USP40: variants seen among roughly 807,000 people sequenced by gnomAD.
USP40 encodes the protein ubiquitin specific peptidase 40.
Under a neutral mutation model 166.2 loss-of-function variants are expected in USP40, and 143 were observed. That is an observed-to-expected ratio of 0.86 (90% confidence interval 0.75 to 0.99). The LOEUF (loss-of-function observed/expected upper bound fraction) is 0.99, where lower values mean the gene tolerates loss of function less well. Among genes scored for constraint, USP40 ranks in the 50% least tolerant of loss-of-function variants. USP40 has a pLI of 0.00. For missense variants in USP40, 1,444 were observed against 1,479.7 expected (o/e 0.98, Z 0.40); for synonymous variants, 498 against 524.0 (o/e 0.95, Z 0.68).
At chr2:233,550,717 G>T (rs2070472042) in intron 7 of USP40, among the ~76,000 whole-genome samples, 1 of 152,146 alleles carries the variant, frequency 6.6e-6, no homozygotes, top group African/African-American at 2.4e-5. Context: ...GTACAGCAAT[G>T]TTATAAAAAA....
chr2:233,550,076 C>A (rs1220941560), intron 7 of USP40, among the ~76,000 whole-genome samples: 2 of 152,134 alleles, frequency 1.3e-5, no homozygotes, highest in African/African-American at 2.4e-5. Context: ...GCTTTGACGT[C>A]TAAACTCAAG....
chr2:233,552,897 C>A (rs1305347661), intron 6 of USP40, among the ~76,000 whole-genome samples: 1 of 152,048 alleles, frequency 6.6e-6, no homozygotes, highest in Non-Finnish European at 1.5e-5. Context: ...ATGAAGTGAC[C>A]GCATAAATAT....
Position 233,566,724 on chromosome 2 carries a change from C to G in USP40, c.-60G>C, listed in dbSNP as rs998626227. The G allele has an allele frequency of 2.1e-5, 21 of 985,868 alleles. No homozygotes were observed. Among genetic ancestry groups the G allele is most frequent in the South Asian group, 4.7e-5 (1 of 21,296 alleles). 61.1% of individuals were successfully genotyped at this position (985,868 alleles called of 1,614,324 possible). On this transcript the variant is annotated 5_prime_UTR_variant, in exon 1 of 32. Transcript: ENST00000678225. ...CCCCCGCCCTGGCCAAAACGCGAAGCGAACGAACCCGCCCCAACTGGGCGC... is the reference window on the plus strand; with the variant it reads ...CCCCCGCCCTGGCCAAAACGCGAAGGGAACGAACCCGCCCCAACTGGGCGC...
chr2:233,494,123 A>G (rs1335955954), intron 24 of USP40, among the ~76,000 whole-genome samples: 1 of 152,250 alleles, frequency 6.6e-6, no homozygotes, highest in Non-Finnish European at 1.5e-5. Flanking sequence ...ATAGAAGATG[A>G]GAATAAAAAT....
Position 233,511,916 on chromosome 2 carries a change from T to C in USP40, c.2438-119A>G, listed in dbSNP as rs555559993. The C allele has an allele frequency of 5.1e-6, 4 of 787,446 alleles. No homozygotes were observed. The East Asian group carries it at 1.1e-4, about 22-fold the overall frequency. The allele number at this position is 787,446 out of a possible 1,614,324, so 48.8% of individuals were successfully genotyped here. ...AATATCAAGAAAGAAGAAAAATGAG[T>C]TGCACTTCAGACAAAAGGATTACAT... On this transcript the variant is annotated intron_variant, in intron 19 of 31. Coordinates refer to ENST00000678225, the MANE Select transcript of USP40 (RefSeq NM_001365479.2).
At position 233,489,655 on chromosome 2, in the gene USP40, C is replaced by T. The variant is rs79092575; in HGVS notation, c.3013-172G>A. The T allele has an allele frequency of 4.8e-3, 2,916 of 611,988 alleles. 74 individuals are homozygous for T. In the African/African-American group the frequency reaches 0.049, roughly 10 times the overall value. 37.9% of individuals were successfully genotyped at this position (611,988 alleles called of 1,614,324 possible). A position where few individuals can be genotyped will look rare whatever the true frequency, so the allele number is the denominator to read the frequency against. ...AGGAATCTCTCTCTCTCTTAAATAA[C>T]ACTAACCCTGAGCGGTCTTCATATT... is the stretch of plus-strand genomic sequence containing the variant. On this transcript the variant is annotated intron_variant, in intron 26 of 31. Transcript: ENST00000678225.
intron 24 of USP40, among the ~76,000 whole-genome samples, chr2:233,494,956 T>TTA (rs71058559): frequency 0.037 from 1,281 of 34,988 alleles, 30 homozygotes; most frequent in South Asian, 0.12. Context: ...ATATATATAT[T>TTA]TATATATATA....
chr2:233,541,281 T>C (rs910688242), intron 9 of USP40, among the ~76,000 whole-genome samples: 1 of 152,220 alleles, frequency 6.6e-6, no homozygotes, highest in Non-Finnish European at 1.5e-5. Context: ...ATTTGGAGAT[T>C]AGACCTTTAA....
chr2:233,509,838 T>TAAA (rs746629187), intron 21 of USP40, among the ~76,000 whole-genome samples: 1 of 80,820 alleles, frequency 1.2e-5, no homozygotes, highest in Non-Finnish European at 2.5e-5. Flanking sequence ...TGAGACTCTC[T>TAAA]AAAAAAAAAA....
At chr2:233,538,195 C>T (rs966339975) in intron 10 of USP40, among the ~76,000 whole-genome samples, 1 of 151,358 alleles carries the variant, frequency 6.6e-6, no homozygotes, top group Non-Finnish European at 1.5e-5. Flanking sequence ...ATTTATTAAT[C>T]CAAAAGAAGG....
At chr2:233,530,759 A>C (rs1388318949) in intron 11 of USP40, among the ~76,000 whole-genome samples, 1 of 152,254 alleles carries the variant, frequency 6.6e-6, no homozygotes. Flanking sequence ...TTGCTTATTT[A>C]TATCATTTCC....
intron 8 of USP40, chr2:233,547,018 G>A (rs1414802494): frequency 2.6e-5 from 4 of 152,142 alleles, no homozygotes; most frequent in Non-Finnish European, 5.9e-5. Flanking sequence ...GCATTTGAGA[G>A]CAATGCTTGT....
At chr2:233,564,840 A>C (rs1186644426) in intron 2 of USP40, among the ~76,000 whole-genome samples, 1 of 152,188 alleles carries the variant, frequency 6.6e-6, no homozygotes, top group Non-Finnish European at 1.5e-5. Flanking sequence ...ATAGCCTCAC[A>C]CCAGGTCTGG....
chr2:233,494,955 T>A (rs369355138), intron 24 of USP40, among the ~76,000 whole-genome samples: 2 of 25,074 alleles, frequency 8.0e-5, no homozygotes, highest in African/African-American at 5.5e-4. Flanking sequence ...TATATATATA[T>A]TTATATATAT....
In USP40 at chr2:233,497,466, G is replaced by C. The variant is rs543452214; in HGVS notation, c.2716-634C>G. On this transcript the variant is annotated intron_variant, in intron 23 of 31. Coordinates refer to ENST00000678225, the MANE Select transcript of USP40 (RefSeq NM_001365479.2). Reference sequence around the variant, plus strand: ...TACGAAGGCTTGGACCTGGAGCCAAGCATGGGAATGGTCAGGGAAGGGGTG... The same window carrying C: ...TACGAAGGCTTGGACCTGGAGCCAACCATGGGAATGGTCAGGGAAGGGGTG... Among the ~76,000 whole-genome samples the C allele has an allele frequency of 8.5e-5, 13 of 152,288 alleles. No homozygotes were observed. In the South Asian group the frequency reaches 2.7e-3, roughly 32 times the overall value.
At chr2:233,477,643 A>G in intron 31 of USP40, 140 bp from the exon 32 acceptor site, 1 of 747,390 alleles carries the variant, frequency 1.3e-6, no homozygotes, top group East Asian at 2.8e-5. Context: ...GATCTCAGCC[A>G]CCTGCCAGAG....
chr2:233,563,145 G>A (rs556264929), intron 2 of USP40, among the ~76,000 whole-genome samples: 1 of 152,202 alleles, frequency 6.6e-6, no homozygotes, highest in Non-Finnish European at 1.5e-5. Flanking sequence ...AAATACAGTA[G>A]TGTTGCAGTT....
At chr2:233,549,914 C>T (rs1387462472) in intron 7 of USP40, among the ~76,000 whole-genome samples, 2 of 152,032 alleles carry the variant, frequency 1.3e-5, no homozygotes, top group Non-Finnish European at 2.9e-5. Flanking sequence ...GATGTACTCC[C>T]ACACTAGCAA....
At chr2:233,487,059 A>G (rs1361599066) in intron 28 of USP40, among the ~76,000 whole-genome samples, 1 of 152,266 alleles carries the variant, frequency 6.6e-6, no homozygotes. Flanking sequence ...CAAAAGGGCA[A>G]AAGGCACTGT....
Sources: gnomAD v4.1 joint callset for allele counts (sites outside exome capture counted in the v4.1 genomes callset) on GRCh38, gnomAD v4.1.1 for gene constraint, MANE v1.5 for transcripts, NCBI Gene and HGNC (gene_info 2026-07-23, HGNC 2026-07-21) for gene names.